COL4A5: variants seen among roughly 807,000 people sequenced by gnomAD.
The protein encoded by COL4A5 is collagen alpha-5(IV) chain.
COL4A5 carries 26 observed loss-of-function variants against 130.2 expected under a neutral mutation model. That is an observed-to-expected ratio of 0.20 (90% CI 0.15 to 0.28). COL4A5 has a LOEUF of 0.28. Ranked by LOEUF, COL4A5 falls within the 10% of genes least tolerant of loss-of-function variation. The pLI is 1.00. For synonymous variants in COL4A5, 496 were observed against 439.6 expected, an observed-to-expected ratio of 1.13 and a Z score of -1.60; for missense variants, 1,131 against 1,344.3, an observed-to-expected ratio of 0.84 and a Z score of 2.48.
intron 1 of COL4A5, among the ~76,000 whole-genome samples, chrX:108,498,351 T>C (rs961639661): frequency 5.4e-5 from 6 of 111,794 alleles, no homozygotes; most frequent in African/African-American, 1.6e-4. Context: ...TTGTTTGACC[T>C]GTTCATTCAT....
At chrX:108,501,590 T>C (rs1324630437) in intron 1 of COL4A5, among the ~76,000 whole-genome samples, 1 of 112,060 alleles carries the variant, frequency 8.9e-6, no homozygotes. Flanking sequence ...AGGCACACTA[T>C]AAGTATTGTG....
chrX:108,553,099 G>T (rs1044426061), intron 2 of COL4A5, among the ~76,000 whole-genome samples: 3 of 111,428 alleles, frequency 2.7e-5, no homozygotes, highest in Non-Finnish European at 5.7e-5. Flanking sequence ...ATGCATCATA[G>T]ACCTAGATGT....
intron 30 of COL4A5, among the ~76,000 whole-genome samples, chrX:108,617,290 T>G (rs2066947918): frequency 8.9e-6 from 1 of 111,987 alleles, no homozygotes; most frequent in African/African-American, 3.2e-5. Flanking sequence ...AACCTACTTA[T>G]GTTGCATGGC....
chrX:108,678,658 G>C (rs1054476285), intron 44 of COL4A5, among the ~76,000 whole-genome samples: 1 of 111,173 alleles, frequency 9.0e-6, no homozygotes. Flanking sequence ...TTGAGGCCAG[G>C]AATTTGAGAC....
intron 36 of COL4A5, among the ~76,000 whole-genome samples, chrX:108,648,587 G>A (rs1668757814): frequency 9.0e-6 from 1 of 111,562 alleles, no homozygotes; most frequent in South Asian, 3.7e-4. Context: ...GTTTAACATA[G>A]GTAAGTCAAC....
chrX:108,624,408 A>G, intron 34 of COL4A5, 74 bp downstream of exon 34: 1 of 810,231 alleles, frequency 1.2e-6, no homozygotes, highest in Non-Finnish European at 1.8e-6. Flanking sequence ...TGTGTTTGTC[A>G]TGTTTGAAGA....
chrX:108,542,058 C>A (rs371113385), intron 2 of COL4A5, among the ~76,000 whole-genome samples: 1 of 111,645 alleles, frequency 9.0e-6, no homozygotes, highest in African/African-American at 3.3e-5. Context: ...CCTCATGATG[C>A]GTGACCAAAT....
chrX:108,453,392 C>G (rs900457513), intron 1 of COL4A5, among the ~76,000 whole-genome samples: 6 of 110,904 alleles, frequency 5.4e-5, no homozygotes, highest in African/African-American at 1.3e-4. Flanking sequence ...TTTGTCAAAG[C>G]AAAGAAATCT....
At chrX:108,647,225 C>T (rs924169715) in intron 36 of COL4A5, among the ~76,000 whole-genome samples, 1 of 111,250 alleles carries the variant, frequency 9.0e-6, no homozygotes, top group African/African-American at 3.3e-5. Context: ...ATGGAATGTT[C>T]TTCCATTTGT....
chrX:108,495,923 C>T (rs1046468472), intron 1 of COL4A5, among the ~76,000 whole-genome samples: 3 of 112,470 alleles, frequency 2.7e-5, no homozygotes, highest in African/African-American at 9.7e-5. Context: ...GAGACCAACA[C>T]TGGTAGCAAC....
intron 1 of COL4A5, among the ~76,000 whole-genome samples, chrX:108,484,814 G>A (rs890291408): frequency 4.4e-5 from 5 of 112,422 alleles, no homozygotes; most frequent in Non-Finnish European, 9.4e-5. Flanking sequence ...TACCACCTAT[G>A]TTTGTGCAAG....
At chrX:108,607,852 T>C (rs999018291) in intron 29 of COL4A5, among the ~76,000 whole-genome samples, 19 of 111,756 alleles carry the variant, frequency 1.7e-4, no homozygotes, top group Admixed American at 9.5e-5. Context: ...ATTTGCACTT[T>C]ATTTTTTTAC....
At chrX:108,695,542 AT>A in intron 52 of COL4A5, 103 bp downstream of exon 52, 7 of 845,055 alleles carry the variant, frequency 8.3e-6, no homozygotes, top group Non-Finnish European at 1.2e-5. Flanking sequence ...AATGTTAGGA[AT>A]TTATTGGATT....
chrX:108,444,374 C>T (rs965550268), intron 1 of COL4A5, among the ~76,000 whole-genome samples: 2 of 110,599 alleles, frequency 1.8e-5, no homozygotes, highest in East Asian at 5.7e-4. Context: ...TGCCAGCCAC[C>T]ATGCCGGGCT....
chrX:108,626,595 A>G, intron 36 of COL4A5: 2 of 1,102,905 alleles, frequency 1.8e-6, no homozygotes, highest in Non-Finnish European at 2.4e-6. Context: ...ATTTCTGGAT[A>G]TACTTCAATA....
intron 47 of COL4A5, among the ~76,000 whole-genome samples, chrX:108,685,465 A>T (rs1376504608): frequency 8.9e-6 from 1 of 112,503 alleles, no homozygotes; most frequent in African/African-American, 3.2e-5. Flanking sequence ...TAATGTTAGA[A>T]AAATTTATAA....
chrX:108,512,705 G>A (rs2065189454), intron 1 of COL4A5, among the ~76,000 whole-genome samples: 1 of 110,650 alleles, frequency 9.0e-6, no homozygotes, highest in Admixed American at 9.7e-5. Context: ...TACTTCACAA[G>A]GTAATAGAAT....
intron 1 of COL4A5, among the ~76,000 whole-genome samples, chrX:108,454,378 A>C (rs184245065): frequency 2.0e-4 from 22 of 111,227 alleles, no homozygotes; most frequent in East Asian, 1.7e-3. Flanking sequence ...CCCAAGTTCA[A>C]GTGATTCTCC....
chrX:108,539,864 T>A lies in COL4A5; in HGVS notation c.141+59T>A, dbSNP rs1204021996. 8.3e-6 allele frequency: 8 copies of A among 959,698 alleles called. No individual in the cohort carries two copies. The Admixed American group carries it at 1.1e-4, about 13-fold the overall frequency. 79.1% of individuals were successfully genotyped at this position (959,698 alleles called of 1,213,427 possible). On this transcript the variant is annotated intron_variant, in intron 2 of 52. Coordinates refer to ENST00000328300, the MANE Select transcript of COL4A5 (RefSeq NM_033380.3). Reference sequence around the variant, plus strand: ...AAAGCCAGTAAACTAATGGTTTTAATAAATATTTTTTTAAAAACAGAGCTT... The same window carrying A: ...AAAGCCAGTAAACTAATGGTTTTAAAAAATATTTTTTTAAAAACAGAGCTT...
Sources: allele counts gnomAD v4.1 joint callset (sites outside exome capture counted in the v4.1 genomes callset), GRCh38; gene constraint gnomAD v4.1.1; transcripts MANE v1.5; gene names NCBI Gene and HGNC (gene_info 2026-07-23, HGNC 2026-07-21).